Variants in CCDC112 observed in about 807,000 individuals in gnomAD.
CCDC112 encodes the protein coiled-coil domain containing 112.
In CCDC112, 40 loss-of-function variants were observed where a neutral mutation model predicts 66.3. That is an observed-to-expected ratio of 0.60 (90% CI 0.47 to 0.79). CCDC112 has a LOEUF of 0.79. Ranked by LOEUF, CCDC112 falls within the 30% of genes least tolerant of loss-of-function variation. The pLI is 0.00. For synonymous variants in CCDC112, 214 were observed against 197.2 expected (o/e 1.09, Z -0.71); for missense variants, 659 against 603.8 (o/e 1.09, Z -0.96).
In CCDC112 at chr5:115,267,805, G is replaced by GT. The variant is rs1187813518; in HGVS notation, c.*70dup. 45 of 1,149,978 alleles carry GT rather than the reference G, an allele frequency of 3.9e-5. No homozygotes were observed. In the Middle Eastern group the frequency reaches 5.9e-4, roughly 15 times the overall value. The allele number at this position is 1,149,978 out of a possible 1,614,324, so 71.2% of individuals were successfully genotyped here. ...AAGCTATTGATATTTAAAGAATGTG[G>GT]TTAGTCACTCTCTCCCTGGTATAAC... On this transcript the variant is annotated 3_prime_UTR_variant, in exon 10 of 10. Coordinates refer to ENST00000379611, the MANE Select transcript of CCDC112 (RefSeq NM_001040440.3).
chr5:115,296,169 GTTC>G (rs1415274483), intron 1 of CCDC112: 1 of 1,252,960 alleles, frequency 8.0e-7, no homozygotes, highest in African/African-American at 1.6e-5. Flanking sequence ...GACAGCATAT[GTTC>G]TTATCACGCG....
intron 1 of CCDC112, among the ~76,000 whole-genome samples, chr5:115,294,771 G>A (rs1750078173): frequency 6.6e-6 from 1 of 152,138 alleles, no homozygotes; most frequent in Non-Finnish European, 1.5e-5. Flanking sequence ...GTGTGTATAG[G>A]TATGTGCGTG....
At chr5:115,277,595 C>G (rs1056599083) in intron 3 of CCDC112, among the ~76,000 whole-genome samples, 3 of 152,106 alleles carry the variant, frequency 2.0e-5, no homozygotes, top group African/African-American at 7.2e-5. Context: ...GGAGGTGCCT[C>G]AGGTATCATT....
At chr5:115,279,986 C>T (rs1749382741) in intron 2 of CCDC112, among the ~76,000 whole-genome samples, 1 of 152,080 alleles carries the variant, frequency 6.6e-6, no homozygotes, top group Non-Finnish European at 1.5e-5. Context: ...ATTTGAACTG[C>T]TATGTAAATC....
rs149719544 is a variant in CCDC112 at position 115,267,746 on chromosome 5, C to A, written c.*130G>T. ...AAGCCTCATGAAACTTAATACCTCT[C>A]AATTCACAATATAGCACAATAATCA... On this transcript the variant is annotated 3_prime_UTR_variant, in exon 10 of 10. Coordinates refer to ENST00000379611, the MANE Select transcript of CCDC112 (RefSeq NM_001040440.3). 2.6e-6 allele frequency: 2 copies of A among 762,832 alleles called. No homozygotes were observed. The highest frequency in any genetic ancestry group is 2.6e-5 in the East Asian group (1 of 39,038). 47.3% of individuals were successfully genotyped at this position (762,832 alleles called of 1,614,324 possible).
intron 1 of CCDC112, among the ~76,000 whole-genome samples, chr5:115,286,018 T>C (rs548577529): frequency 1.3e-5 from 2 of 152,336 alleles, no homozygotes; most frequent in Admixed American, 1.3e-4. Context: ...GTATTAAATC[T>C]AAATCTAGGA....
chr5:115,279,626 TTCA>T lies in CCDC112; in HGVS notation c.361+18_361+20del. 6.2e-7 allele frequency: 1 copy of T among 1,608,564 alleles called. No homozygotes were observed. The highest frequency in any genetic ancestry group is 1.1e-5 in the South Asian group (1 of 90,970). Reference sequence around the variant, plus strand: ...CTTTATATCGCTCAACAGTTTTTAGTTCATCACAAACTCAACTTACTTTCTGTT... The same window carrying T: ...CTTTATATCGCTCAACAGTTTTTAGTTCACAAACTCAACTTACTTTCTGTT... On this transcript the variant is annotated intron_variant, in intron 3 of 9. Coordinates refer to ENST00000379611, the MANE Select transcript of CCDC112 (RefSeq NM_001040440.3).
rs61741404 is a variant in CCDC112, at chr5:115,284,831, A to G, written c.195T>C (p.Thr65=). 6.2e-7 allele frequency: 1 copy of G among 1,611,572 alleles called. No homozygotes were observed. Among genetic ancestry groups the G allele is most frequent in the Middle Eastern group, 1.7e-4 (1 of 6,054 alleles). ...LQNWKQKVNQ[T]KKAEFVRTAE... is the part of the protein sequence containing the mutation. ...CTGTGCGTACAAATTCTGCTTTCTT[A>G]GTCTGATTAACTTTCTGCTTCCAGT... The change falls in exon 2 of 10, where the codon ACT becomes ACC. Residue 65 remains threonine (T), a synonymous_variant. Coordinates refer to ENST00000379611, the MANE Select transcript of CCDC112 (RefSeq NM_001040440.3).
intron 3 of CCDC112, among the ~76,000 whole-genome samples, chr5:115,277,750 T>G (rs976856847): frequency 5.9e-5 from 9 of 152,184 alleles, no homozygotes; most frequent in Non-Finnish European, 1.0e-4. Flanking sequence ...AGGATTCTTC[T>G]TTCATATTTT....
At position 115,277,072 on chromosome 5, in the gene CCDC112, G is replaced by A. The variant is rs773042902; in HGVS notation, c.362-18C>T. On this transcript the variant is annotated intron_variant, in intron 3 of 9. Transcript: ENST00000379611. ...TTTTGCTCCTATAAGAAAGAAGTAT[G>A]CACTTTAAAATAATTCTGTGACAAA... 2.1e-6 allele frequency: 3 copies of A among 1,414,614 alleles called. No homozygotes were observed. The Admixed American group carries it at 5.1e-5, about 24-fold the overall frequency. The allele number at this position is 1,414,614 out of a possible 1,614,324, so 87.6% of individuals were successfully genotyped here. A position where few individuals can be genotyped will look rare whatever the true frequency, so the allele number is the denominator to read the frequency against.
At chr5:115,293,907 G>A (rs982229093) in intron 1 of CCDC112, among the ~76,000 whole-genome samples, 2 of 152,128 alleles carry the variant, frequency 1.3e-5, no homozygotes, top group Admixed American at 6.5e-5. Flanking sequence ...TCACACTAAT[G>A]TGATACTGTT....
In CCDC112 at chr5:115,268,935, T is replaced by C; in HGVS notation, c.1494A>G (p.Arg498=). The C allele has an allele frequency of 6.2e-7, 1 of 1,607,916 alleles. No individual in the cohort carries two copies. Among genetic ancestry groups the C allele is most frequent in the East Asian group, 2.3e-5 (1 of 44,130 alleles). ...LYKPTKGWEE[R]TKKIGPTGSG... is the part of the protein sequence containing the mutation. Reference sequence around the variant, plus strand: ...AGCCTGTTGGTCCTATCTTTTTGGTTCGTTCTTCCCAACCTTTGGTGGGTT... The same window carrying C: ...AGCCTGTTGGTCCTATCTTTTTGGTCCGTTCTTCCCAACCTTTGGTGGGTT... Residue 498 remains arginine (R), a synonymous_variant, in exon 9 of 10, where the codon CGA becomes CGG. Coordinates refer to ENST00000379611, the MANE Select transcript of CCDC112 (RefSeq NM_001040440.3).
intron 2 of CCDC112, among the ~76,000 whole-genome samples, chr5:115,284,181 T>A (rs1749575289): frequency 6.6e-6 from 1 of 151,684 alleles, no homozygotes; most frequent in Non-Finnish European, 1.5e-5. Flanking sequence ...CACCCACATA[T>A]TCAAATAGGC....
intron 2 of CCDC112, among the ~76,000 whole-genome samples, chr5:115,282,361 T>G (rs1749493065): frequency 6.6e-6 from 1 of 152,194 alleles, no homozygotes; most frequent in African/African-American, 2.4e-5. Flanking sequence ...TATCTTTGCT[T>G]TGCTCAGTTT....
intron 1 of CCDC112, among the ~76,000 whole-genome samples, chr5:115,294,215 A>G (rs895778800): frequency 6.6e-6 from 1 of 152,248 alleles, no homozygotes; most frequent in African/African-American, 2.4e-5. Context: ...AAAGTAATTT[A>G]AAGACACTGT....
intron 6 of CCDC112, 39 bp from the exon 7 acceptor site, chr5:115,271,665 A>C: frequency 2.2e-6 from 3 of 1,375,708 alleles, no homozygotes; most frequent in Non-Finnish European, 2.9e-6. Flanking sequence ...AAGAGAAAAA[A>C]GTTTTTTAAT....
intron 2 of CCDC112, among the ~76,000 whole-genome samples, chr5:115,283,512 A>G (rs113706134): frequency 2.6e-5 from 4 of 152,152 alleles, no homozygotes; most frequent in Non-Finnish European, 4.4e-5. Context: ...AGTGATGGAT[A>G]TGTTAATTAG....
intron 1 of CCDC112, among the ~76,000 whole-genome samples, chr5:115,292,783 A>C (rs781502988): frequency 3.9e-5 from 6 of 152,208 alleles, no homozygotes; most frequent in Non-Finnish European, 8.8e-5. Context: ...GCATTGAACC[A>C]CTATGTGTCC....
Position 115,271,464 on chromosome 5 carries a change from A to G in CCDC112, c.1081T>C (p.Trp361Arg). ...RKKQKLAVEAWKKQKSIEMSM... is the reference protein window; with the variant it reads ...RKKQKLAVEARKKQKSIEMSM... Reference sequence around the variant, plus strand: ...ATTTCTATACTTTTCTGTTTCTTCCAAGCTTCAACTGCCAATTTCTGTTTC... The same window carrying G: ...ATTTCTATACTTTTCTGTTTCTTCCGAGCTTCAACTGCCAATTTCTGTTTC... The change falls in exon 7 of 10, where the codon TGG (tryptophan) becomes CGG (arginine). Residue 361 changes from tryptophan (W) to arginine (R), a missense_variant. Trp to Arg is a moderately radical substitution (Grantham distance 101). Coordinates refer to ENST00000379611, the MANE Select transcript of CCDC112 (RefSeq NM_001040440.3). The G allele has an allele frequency of 6.2e-7, 1 of 1,612,754 alleles. No individual in the cohort carries two copies. Among genetic ancestry groups the G allele is most frequent in the Non-Finnish European group, 8.5e-7 (1 of 1,179,754 alleles).
Sources: allele counts gnomAD v4.1 joint callset (sites outside exome capture counted in the v4.1 genomes callset), GRCh38; gene constraint gnomAD v4.1.1; transcripts MANE v1.5; gene names NCBI Gene and HGNC (gene_info 2026-07-23, HGNC 2026-07-21).